The following RNASET2 variants were observed in gnomAD, a reference collection of about 807,000 sequenced individuals.
The protein encoded by RNASET2 is ribonuclease 6.
Under a neutral mutation model 33.9 loss-of-function variants are expected in RNASET2, and 28 were observed. The ratio of observed to expected loss-of-function variants is 0.83; its 90% CI spans 0.61 to 1.13. The LOEUF (loss-of-function observed/expected upper bound fraction) is 1.13. Ranked by LOEUF, RNASET2 falls within the 50% of genes most tolerant of loss-of-function variation. The pLI is 0.00. For missense variants in RNASET2, 330 were observed against 319.9 expected (o/e 1.03, Z -0.24); for synonymous variants, 123 against 121.0 (o/e 1.02, Z -0.11).
In RNASET2 at chr6:166,925,109, C is replaced by A. The variant is rs990277613; in HGVS notation, c.*4479G>T. On this transcript the variant is annotated 3_prime_UTR_variant, in exon 9 of 9. Transcript: ENST00000508775. ...CCTGCCGTCTAGCCCAAAACCGGAA[C>A]AGCACAGCCCTCACCTCTGCTGCCC... Among the ~76,000 whole-genome samples the A allele has an allele frequency of 1.3e-5, 2 of 148,910 alleles. No individual in the cohort carries two copies. Among genetic ancestry groups the A allele is most frequent in the Non-Finnish European group, 3.0e-5 (2 of 67,310 alleles).
At position 166,927,517 on chromosome 6, in the gene RNASET2, T is replaced by TA. The variant is rs561913760; in HGVS notation, c.*2070dup. On this transcript the variant is annotated 3_prime_UTR_variant, in exon 9 of 9. Transcript: ENST00000508775. ...ACTCATATAATAAATACACGCTACT[T>TA]AAAAAAAAGAATGGCTTCTTTAAAA... 1.4e-4 allele frequency among the ~76,000 whole-genome samples: 20 copies of TA among 147,982 alleles called. No individual in the cohort carries two copies. The South Asian group carries it at 4.0e-3, about 30-fold the overall frequency.
rs1218758609 is a variant in RNASET2 at position 166,952,770 on chromosome 6, T to C, written c.87-222A>G. The C allele has an allele frequency of 7.5e-6, 4 of 532,660 alleles. No homozygotes were observed. The African/African-American group carries it at 7.7e-5, about 10-fold the overall frequency. 33.0% of individuals were successfully genotyped at this position (532,660 alleles called of 1,614,324 possible). ...GTCCAGTGCTGAGTGGCGGAGAACA[T>C]GAATAGGATAAGGGGAGGAGGGGAG... On this transcript the variant is annotated intron_variant, in intron 1 of 8. Coordinates refer to ENST00000508775, the MANE Select transcript of RNASET2 (RefSeq NM_003730.6).
chr6:166,937,101 C>T (rs1778587676), intron 6 of RNASET2, among the ~76,000 whole-genome samples: 1 of 152,164 alleles, frequency 6.6e-6, no homozygotes, highest in Non-Finnish European at 1.5e-5. Flanking sequence ...CTCCTGTGCT[C>T]CAGGAGCTAC....
rs1778319185 is a variant in RNASET2 at position 166,927,090 on chromosome 6, G to GTAAC, written c.*2497_*2498insGTTA. ...CCTCCGCCCAGTTACAGCGAGAACC[G>GTAAC]TGTGGTCAGAGTTGCATCTTCCTGA... On this transcript the variant is annotated 3_prime_UTR_variant, in exon 9 of 9. Coordinates refer to ENST00000508775, the MANE Select transcript of RNASET2 (RefSeq NM_003730.6). Among the ~76,000 whole-genome samples the GTAAC allele has an allele frequency of 6.6e-6, 1 of 152,232 alleles. No homozygotes were observed.
chr6:166,956,086 A>G lies in RNASET2; in HGVS notation c.86+11T>C, dbSNP rs1361766547. On this transcript the variant is annotated intron_variant, in intron 1 of 8. Coordinates refer to ENST00000508775, the MANE Select transcript of RNASET2 (RefSeq NM_003730.6). ...CCCACGCTCCCCACTTTACCTCGCA[A>G]GGTAACTCACCGCAGGCGCTTGTCC... is the stretch of plus-strand genomic sequence containing the variant. 1.6e-5 allele frequency: 25 copies of G among 1,551,604 alleles called. No homozygotes were observed. Among genetic ancestry groups the G allele is most frequent in the Non-Finnish European group, 2.1e-5 (24 of 1,146,934 alleles).
chr6:166,942,054 T>A (rs1187257369), intron 5 of RNASET2, among the ~76,000 whole-genome samples: 2 of 96,564 alleles, frequency 2.1e-5, no homozygotes, highest in South Asian at 3.7e-4. Flanking sequence ...TTAGAAGACA[T>A]CTTCTTTTTT....
intron 1 of RNASET2, among the ~76,000 whole-genome samples, chr6:166,954,788 C>A (rs562558024): frequency 6.6e-6 from 1 of 152,064 alleles, no homozygotes; most frequent in Non-Finnish European, 1.5e-5. Flanking sequence ...CCGAGGCGGG[C>A]GGATCACCTG....
intron 6 of RNASET2, chr6:166,935,156 G>A (rs1229701350): frequency 1.3e-5 from 2 of 151,940 alleles, no homozygotes; most frequent in African/African-American, 4.8e-5. Flanking sequence ...CGAACCCACA[G>A]GACCTCGCCT....
intron 6 of RNASET2, chr6:166,934,728 G>C: frequency 6.5e-6 from 1 of 154,824 alleles, no homozygotes; most frequent in Admixed American, 6.3e-5. Context: ...CGAAGCAACA[G>C]GCTATACCAC....
intron 2 of RNASET2, among the ~76,000 whole-genome samples, chr6:166,949,107 A>T (rs6456141): frequency 4.7e-5 from 7 of 149,280 alleles, no homozygotes; most frequent in African/African-American, 1.5e-4. Context: ...ACTACTACTC[A>T]GGAGGCTGAG....
In RNASET2 at chr6:166,927,604, G is replaced by C. The variant is rs150038444; in HGVS notation, c.*1984C>G. ...GAGCTGCTTTCCTTGACCCCCCAAG[G>C]CTATAAAATAAATGCAATTTGAATA... On this transcript the variant is annotated 3_prime_UTR_variant, in exon 9 of 9. Coordinates refer to ENST00000508775, the MANE Select transcript of RNASET2 (RefSeq NM_003730.6). Among the ~76,000 whole-genome samples the C allele has an allele frequency of 0.01, 1,557 of 150,126 alleles. 28 individuals are homozygous for C. Among genetic ancestry groups the C allele is most frequent in the African/African-American group, 0.037 (1,476 of 40,382 alleles).
At chr6:166,949,107 A>C (rs6456141) in intron 2 of RNASET2, among the ~76,000 whole-genome samples, 49,620 of 149,274 alleles carry the variant, frequency 0.33, 9,821 homozygotes, top group African/African-American at 0.57. Context: ...ACTACTACTC[A>C]GGAGGCTGAG....
At chr6:166,930,606 AT>A (rs1269724543) in intron 8 of RNASET2, among the ~76,000 whole-genome samples, 1 of 151,166 alleles carries the variant, frequency 6.6e-6, no homozygotes, top group East Asian at 1.9e-4. Context: ...GCACACATGC[AT>A]GTACATGCAC....
intron 1 of RNASET2, chr6:166,955,878 T>A (rs1479124056): frequency 3.0e-6 from 2 of 675,126 alleles, no homozygotes; most frequent in Non-Finnish European, 3.6e-6. Context: ...TGCTAAGGGC[T>A]CCCCCCAACC....
intron 8 of RNASET2, 129 bp from the exon 9 acceptor site, chr6:166,929,920 T>C: frequency 1.1e-6 from 1 of 875,866 alleles, no homozygotes; most frequent in Non-Finnish European, 1.8e-6. Flanking sequence ...GGTTCTAGGT[T>C]CCAAGAACGG....
intron 7 of RNASET2, 156 bp from the exon 8 acceptor site, chr6:166,931,274 A>G (rs983789488): frequency 5.9e-6 from 4 of 672,482 alleles, no homozygotes; most frequent in Admixed American, 4.4e-5. Flanking sequence ...CCCCACCTCC[A>G]CCAGCGAAGC....
At position 166,956,078 on chromosome 6, in the gene RNASET2, A is replaced by G. The variant is rs1443178564; in HGVS notation, c.86+19T>C. On this transcript the variant is annotated intron_variant, in intron 1 of 8. Transcript: ENST00000508775. ...GCCCGGCTCCCACGCTCCCCACTTTACCTCGCAAGGTAACTCACCGCAGGC... is the reference window on the plus strand; with the variant it reads ...GCCCGGCTCCCACGCTCCCCACTTTGCCTCGCAAGGTAACTCACCGCAGGC... 9 of 1,549,634 alleles carry G rather than the reference A, an allele frequency of 5.8e-6. No individual in the cohort carries two copies. Among genetic ancestry groups the G allele is most frequent in the Non-Finnish European group, 7.9e-6 (9 of 1,145,866 alleles).
intron 4 of RNASET2, among the ~76,000 whole-genome samples, chr6:166,944,656 A>G (rs1165145127): frequency 6.6e-6 from 1 of 151,936 alleles, no homozygotes; most frequent in African/African-American, 2.4e-5. Context: ...AGCGGCTCAC[A>G]CCACCACAGA....
In RNASET2 at chr6:166,948,265, G is replaced by C. The variant is rs759479952; in HGVS notation, c.203+305C>G. The stretch of plus-strand genomic sequence containing the variant: ...GGAGGCTGGAGCAGGAGAATCACTT[G>C]AACCTGGGAGGTGGAGGTTGCAGTG... On this transcript the variant is annotated intron_variant, in intron 3 of 8. Coordinates refer to ENST00000508775, the MANE Select transcript of RNASET2 (RefSeq NM_003730.6). The C allele has an allele frequency of 3.4e-4, 143 of 415,304 alleles. 1 individual carries two copies. The Middle Eastern group carries it at 6.1e-3, about 18-fold the overall frequency. 25.7% of individuals were successfully genotyped at this position (415,304 alleles called of 1,614,324 possible). A position where few individuals can be genotyped will look rare whatever the true frequency, so the allele number is the denominator to read the frequency against.
Sources: allele counts gnomAD v4.1 joint callset (sites outside exome capture counted in the v4.1 genomes callset), GRCh38; gene constraint gnomAD v4.1.1; transcripts MANE v1.5; gene names NCBI Gene and HGNC (gene_info 2026-07-23, HGNC 2026-07-21).